The following CNTN1 variants were observed in gnomAD, a reference collection of about 807,000 sequenced individuals.
The protein encoded by CNTN1 is contactin-1.
In CNTN1, 38 loss-of-function variants were observed where a neutral mutation model predicts 126.4. The observed-to-expected ratio is 0.30, with a 90% CI of 0.23 to 0.39. The LOEUF (loss-of-function observed/expected upper bound fraction) is 0.39, where lower values mean the gene tolerates loss of function less well. Ranked by LOEUF, CNTN1 falls within the 10% of genes least tolerant of loss-of-function variation. The pLI is 1.00. For missense variants in CNTN1, 1,009 were observed against 1,248.4 expected (o/e 0.81, Z 2.89); for synonymous variants, 413 against 422.6 (o/e 0.98, Z 0.28).
At chr12:40,967,027 T>C (rs746425217) in intron 15 of CNTN1, among the ~76,000 whole-genome samples, 4 of 151,994 alleles carry the variant, frequency 2.6e-5, no homozygotes, top group Non-Finnish European at 4.4e-5. Context: ...ATTTAGTGTG[T>C]ACCCATGGCT....
intron 15 of CNTN1, chr12:40,972,752 A>T: frequency 1.5e-6 from 1 of 682,918 alleles, no homozygotes; most frequent in Non-Finnish European, 1.8e-6. Flanking sequence ...AATCAATTTG[A>T]GAATTTTCAT....
chr12:40,993,315 C>T (rs774721235), intron 17 of CNTN1, 46 bp downstream of exon 17: 4 of 1,489,330 alleles, frequency 2.7e-6, no homozygotes, highest in Non-Finnish European at 3.7e-6. Flanking sequence ...TTTCTAAATA[C>T]AGTGCCACTT....
intron 1 of CNTN1, among the ~76,000 whole-genome samples, chr12:40,889,193 T>C (rs1565889893): frequency 6.6e-6 from 1 of 152,228 alleles, no homozygotes; most frequent in Non-Finnish European, 1.5e-5. Flanking sequence ...TGGTGAGAAG[T>C]AGCTGGGCCT....
chr12:40,977,833 C>T (rs1201840746), intron 15 of CNTN1, among the ~76,000 whole-genome samples: 2 of 151,438 alleles, frequency 1.3e-5, no homozygotes, highest in Non-Finnish European at 2.9e-5. Flanking sequence ...AAAGGAGTCT[C>T]ACTCTGTCAC....
chr12:40,959,030 GGA>G, intron 14 of CNTN1, 82 bp from the exon 15 acceptor site: 1 of 1,559,606 alleles, frequency 6.4e-7, no homozygotes, highest in Non-Finnish European at 8.8e-7. Flanking sequence ...TTTTGTTAGG[GGA>G]AAAAACTACC....
intron 1 of CNTN1, among the ~76,000 whole-genome samples, chr12:40,703,830 A>G (rs1941663299): frequency 2.6e-5 from 4 of 152,160 alleles, no homozygotes; most frequent in South Asian, 4.1e-4. Flanking sequence ...ATGCAGATCT[A>G]CCATGTGGTA....
chr12:40,815,592 C>T (rs1267390490), intron 1 of CNTN1, among the ~76,000 whole-genome samples: 1 of 152,166 alleles, frequency 6.6e-6, no homozygotes, highest in African/African-American at 2.4e-5. Flanking sequence ...ATGTCATCTA[C>T]AAACAGAGAC....
chr12:40,935,032 G>A (rs1946032087), intron 9 of CNTN1, among the ~76,000 whole-genome samples: 1 of 151,700 alleles, frequency 6.6e-6, no homozygotes, highest in Admixed American at 6.6e-5. Flanking sequence ...GTGTGATCAG[G>A]GTTCCATCTG....
intron 1 of CNTN1, among the ~76,000 whole-genome samples, chr12:40,715,425 A>C (rs1473933386): frequency 6.6e-6 from 1 of 151,324 alleles, no homozygotes; most frequent in Non-Finnish European, 1.5e-5. Context: ...CCGCATTAGC[A>C]GGATTTTTTT....
intron 17 of CNTN1, among the ~76,000 whole-genome samples, chr12:40,995,496 T>C (rs563251347): frequency 3.4e-4 from 52 of 152,202 alleles, no homozygotes; most frequent in Non-Finnish European, 6.0e-4. Flanking sequence ...GAAAAAATAA[T>C]AGAGTATTTC....
chr12:41,014,308 G>A lies in CNTN1; in HGVS notation c.2184+10G>A, dbSNP rs1234947673. On this transcript the variant is annotated intron_variant, in intron 18 of 23. Transcript: ENST00000551295. The stretch of plus-strand genomic sequence containing the variant: ...GACCATAACATGGGCGGTAAGTATT[G>A]ATGAGTTGCACATATTATAGGTTGC... The A allele has an allele frequency of 6.8e-6, 11 of 1,613,378 alleles. No homozygotes were observed. In the Admixed American group the frequency reaches 1.3e-4, roughly 20 times the overall value.
At chr12:40,786,867 A>G (rs186554124) in intron 1 of CNTN1, among the ~76,000 whole-genome samples, 6 of 152,250 alleles carry the variant, frequency 3.9e-5, no homozygotes, top group African/African-American at 1.4e-4. Flanking sequence ...GCTCACTTCC[A>G]TCTTTCAGTT....
chr12:40,853,056 T>C (rs1942776696), intron 1 of CNTN1, among the ~76,000 whole-genome samples: 1 of 152,136 alleles, frequency 6.6e-6, no homozygotes, highest in African/African-American at 2.4e-5. Context: ...TTATATTCCA[T>C]GACATCTTGT....
At chr12:40,761,158 GACTT>G (rs1470813548) in intron 1 of CNTN1, among the ~76,000 whole-genome samples, 1 of 152,008 alleles carries the variant, frequency 6.6e-6, no homozygotes, top group Non-Finnish European at 1.5e-5. Flanking sequence ...GGAAAATACT[GACTT>G]AATTCATGTA....
chr12:40,739,928 A>T (rs1937864790), intron 1 of CNTN1, among the ~76,000 whole-genome samples: 1 of 152,068 alleles, frequency 6.6e-6, no homozygotes, highest in Non-Finnish European at 1.5e-5. Context: ...ATAGACAGAC[A>T]TGCCATATCT....
chr12:40,823,567 T>C (rs1057283255), intron 1 of CNTN1, among the ~76,000 whole-genome samples: 1 of 152,222 alleles, frequency 6.6e-6, no homozygotes, highest in Non-Finnish European at 1.5e-5. Context: ...GTATATGCAA[T>C]TGTATATGTG....
Position 40,718,074 on chromosome 12 carries a change from C to T in CNTN1, c.-77+25482C>T, listed in dbSNP as rs148698954. Among the ~76,000 whole-genome samples, 15 of 152,278 alleles carry T rather than the reference C, an allele frequency of 9.9e-5. No homozygotes were observed. In the East Asian group the frequency reaches 1.5e-3, roughly 16 times the overall value. On this transcript the variant is annotated intron_variant, in intron 1 of 23. Transcript: ENST00000551295. ...ATTTAGTTTCTTTTATCTCATCTGA[C>T]GGATATCTCTTTCTTAAAGTAATGT... is the stretch of plus-strand genomic sequence containing the variant.
intron 20 of CNTN1, among the ~76,000 whole-genome samples, chr12:41,021,605 T>A (rs1948912475): frequency 6.6e-6 from 1 of 151,974 alleles, no homozygotes; most frequent in Non-Finnish European, 1.5e-5. Flanking sequence ...ACTCAAGGCT[T>A]TGAGCAGACA....
At chr12:40,832,366 CAT>C (rs1464418438) in intron 1 of CNTN1, among the ~76,000 whole-genome samples, 1 of 152,158 alleles carries the variant, frequency 6.6e-6, no homozygotes, top group Non-Finnish European at 1.5e-5. Flanking sequence ...CTTGTAATGA[CAT>C]AGAGCAACAC....
Sources: gnomAD v4.1 joint callset for allele counts (sites outside exome capture counted in the v4.1 genomes callset) on GRCh38, gnomAD v4.1.1 for gene constraint, MANE v1.5 for transcripts, NCBI Gene and HGNC (gene_info 2026-07-23, HGNC 2026-07-21) for gene names.